HES7: variants seen among roughly 807,000 people sequenced by gnomAD.
HES7 encodes the protein hes family bHLH transcription factor 7.
Under a neutral mutation model 18.0 loss-of-function variants are expected in HES7, and 8 were observed. That is an observed-to-expected ratio of 0.45 (90% CI 0.26 to 0.80). The LOEUF (loss-of-function observed/expected upper bound fraction) is 0.80, where lower values mean the gene tolerates loss of function less well. HES7 is among the 30% of genes least tolerant of loss of function. The pLI is 0.18. For missense variants in HES7, 356 were observed against 340.9 expected (o/e 1.04, Z -0.35); for synonymous variants, 170 against 158.6 (o/e 1.07, Z -0.54).
upstream of HES7, among the ~76,000 whole-genome samples, chr17:8,124,666 C>A (rs1483229678): frequency 6.6e-6 from 1 of 152,166 alleles, no homozygotes; most frequent in African/African-American, 2.4e-5. Flanking sequence ...GCCCACTCTG[C>A]GGACAGGGCA....
At chr17:8,126,022 C>G (rs534953936), upstream of HES7, among the ~76,000 whole-genome samples, 4 of 152,056 alleles carry the variant, frequency 2.6e-5, no homozygotes, top group South Asian at 6.2e-4. Flanking sequence ...CTCCACACCC[C>G]CCTCCCTCCG....
chr17:8,122,313 T>G lies in HES7; in HGVS notation c.226+30A>C. 51 of 735,084 alleles carry G rather than the reference T, an allele frequency of 6.9e-5. No individual in the cohort carries two copies. Among genetic ancestry groups the G allele is most frequent in the Non-Finnish European group, 1.1e-4 (48 of 449,118 alleles). 45.5% of individuals were successfully genotyped at this position (735,084 alleles called of 1,614,324 possible). A position where few individuals can be genotyped will look rare whatever the true frequency, so the allele number is the denominator to read the frequency against. ...GGAGCCTCCTGGCGTCCCCCCTCCC[T>G]CCCTCCGCTGCCCCACCCCCGCGCT... On this transcript the variant is annotated intron_variant, in intron 3 of 3. Coordinates refer to ENST00000541682, the MANE Select transcript of HES7 (RefSeq NM_001165967.2). This position sits in a 1 kb window ranked among gnomAD's most constrained non-coding sequence, Gnocchi z 6.9.
At position 8,122,739 on chromosome 17, in the gene HES7, C is replaced by T. The variant is rs1448005997; in HGVS notation, c.138+292G>A. Among the ~76,000 whole-genome samples, 1 of 152,150 alleles carries T rather than the reference C, an allele frequency of 6.6e-6. No individual in the cohort carries two copies. The highest frequency in any genetic ancestry group is 2.4e-5 in the African/African-American group (1 of 41,432). Reference sequence around the variant, plus strand: ...ATAACAGAGGCTGGCTCATCAGAGGCTGGCTGTGGGGGAGGGGGAACCGGA... The same window carrying T: ...ATAACAGAGGCTGGCTCATCAGAGGTTGGCTGTGGGGGAGGGGGAACCGGA... On this transcript the variant is annotated intron_variant, in intron 2 of 3. Transcript: ENST00000541682. This position sits in a 1 kb window ranked among gnomAD's most constrained non-coding sequence, Gnocchi z 6.9.
In HES7 at chr17:8,123,963, T is replaced by A; in HGVS notation, c.42+80A>T. 1.3e-6 allele frequency: 2 copies of A among 1,516,874 alleles called. No individual in the cohort carries two copies. Among genetic ancestry groups the A allele is most frequent in the South Asian group, 2.3e-5 (2 of 88,308 alleles). 94.0% of individuals were successfully genotyped at this position (1,516,874 alleles called of 1,614,324 possible). A position where few individuals can be genotyped will look rare whatever the true frequency, so the allele number is the denominator to read the frequency against. ...CCCTTCCACCCCTGCGTCCCCAGCC[T>A]CTCTCCAGACCGACGGCGTCAGGGG... is the stretch of plus-strand genomic sequence containing the variant. On this transcript the variant is annotated intron_variant, in intron 1 of 3. Transcript: ENST00000541682. The surrounding 1 kb of genome is among the most constrained non-coding windows in gnomAD (Gnocchi z 5.9).
chr17:8,123,538 C>T lies in HES7; in HGVS notation c.43-412G>A, dbSNP rs867999684. Reference sequence around the variant, plus strand: ...TAGAAAGGGAGATACCTAGCGCGACCGCGCCGCCTCTTTTCCCTCAAAACC... The same window carrying T: ...TAGAAAGGGAGATACCTAGCGCGACTGCGCCGCCTCTTTTCCCTCAAAACC... On this transcript the variant is annotated intron_variant, in intron 1 of 3. Transcript: ENST00000541682. This position sits in a 1 kb window ranked among gnomAD's most constrained non-coding sequence, Gnocchi z 5.9. 2 of 308,556 alleles carry T rather than the reference C, an allele frequency of 6.5e-6. No individual in the cohort carries two copies. Among genetic ancestry groups the T allele is most frequent in the South Asian group, 3.9e-5 (1 of 25,694 alleles). The allele number at this position is 308,556 out of a possible 1,614,324, so 19.1% of individuals were successfully genotyped here.
At position 8,124,090 on chromosome 17, in the gene HES7, C is replaced by G. The variant is rs373443343; in HGVS notation, c.-6G>C. ...GCTCGATCCCGGGTGACCATTGCTC[C>G]TCCGGACCCTGTGTGGACCGGTTCC... On this transcript the variant is annotated 5_prime_UTR_variant, in exon 1 of 4. Transcript: ENST00000541682. 6.2e-7 allele frequency: 1 copy of G among 1,614,102 alleles called. No individual in the cohort carries two copies. The highest frequency in any genetic ancestry group is 1.1e-5 in the South Asian group (1 of 91,088).
At position 8,122,386 on chromosome 17, in the gene HES7, G is replaced by T; in HGVS notation, c.183C>A (p.Phe61Leu). 6.3e-7 allele frequency: 1 copy of T among 1,599,050 alleles called. No individual in the cohort carries two copies. The highest frequency in any genetic ancestry group is 1.1e-5 in the South Asian group (1 of 88,320). ...PKLEKAEILEFAVGYLRERSR... is the reference protein window; with the variant it reads ...PKLEKAEILELAVGYLRERSR... ...TTCGCTCCCTCAAGTAGCCCACGGC[G>T]AACTCCAATATCTCCGCTTTCTCCA... The change falls in exon 3 of 4, where the codon TTC becomes TTA. Residue 61 changes from phenylalanine to leucine, a missense_variant. Phe to Leu is a conservative substitution (Grantham distance 22). Coordinates refer to ENST00000541682, the MANE Select transcript of HES7 (RefSeq NM_001165967.2). The surrounding 1 kb of genome is among the most constrained non-coding windows in gnomAD (Gnocchi z 6.9).
At position 8,123,597 on chromosome 17, in the gene HES7, A is replaced by G; in HGVS notation, c.42+446T>C. On this transcript the variant is annotated intron_variant, in intron 1 of 3. Coordinates refer to ENST00000541682, the MANE Select transcript of HES7 (RefSeq NM_001165967.2). This position sits in a 1 kb window ranked among gnomAD's most constrained non-coding sequence, Gnocchi z 5.9. ...CTTCACCTTCTCCACGGTTCTCCTA[A>G]AATCTTCCACCAGTCTGGGGCCTCT... 3.2e-6 allele frequency: 1 copy of G among 308,122 alleles called. No individual in the cohort carries two copies. Among genetic ancestry groups the G allele is most frequent in the South Asian group, 3.9e-5 (1 of 25,342 alleles). The allele number at this position is 308,122 out of a possible 1,614,324, so 19.1% of individuals were successfully genotyped here.
Position 8,123,971 on chromosome 17 carries a change from G to C in HES7, c.42+72C>G, listed in dbSNP as rs1231634295. On this transcript the variant is annotated intron_variant, in intron 1 of 3. Coordinates refer to ENST00000541682, the MANE Select transcript of HES7 (RefSeq NM_001165967.2). This position sits in a 1 kb window ranked among gnomAD's most constrained non-coding sequence, Gnocchi z 5.9. ...CCCCTGCGTCCCCAGCCTCTCTCCA[G>C]ACCGACGGCGTCAGGGGCCCAGTCC... 2.6e-6 allele frequency: 4 copies of C among 1,556,328 alleles called. No individual in the cohort carries two copies. In the East Asian group the frequency reaches 9.0e-5, roughly 35 times the overall value.
In HES7 at chr17:8,123,902, C is replaced by T; in HGVS notation, c.42+141G>A. ...TTCTTCATATTTTGCAGCTTCCTCT[C>T]CAGCTTCTGGCTCCTGGAGTTCTGG... On this transcript the variant is annotated intron_variant, in intron 1 of 3. Coordinates refer to ENST00000541682, the MANE Select transcript of HES7 (RefSeq NM_001165967.2). The surrounding 1 kb of genome is among the most constrained non-coding windows in gnomAD (Gnocchi z 5.9). 2.1e-6 allele frequency: 2 copies of T among 941,916 alleles called. No homozygotes were observed. Among genetic ancestry groups the T allele is most frequent in the Non-Finnish European group, 1.6e-6 (1 of 608,806 alleles). 58.3% of individuals were successfully genotyped at this position (941,916 alleles called of 1,614,324 possible).
At position 8,122,710 on chromosome 17, in the gene HES7, C is replaced by G. The variant is rs1171982692; in HGVS notation, c.139-280G>C. 1.3e-5 allele frequency among the ~76,000 whole-genome samples: 2 copies of G among 152,122 alleles called. No individual in the cohort carries two copies. Among genetic ancestry groups the G allele is most frequent in the East Asian group, 3.8e-4 (2 of 5,198 alleles). ...AACCCAGGGAATGAAATTAACCACCCGACATAACAGAGGCTGGCTCATCAG... is the reference window on the plus strand; with the variant it reads ...AACCCAGGGAATGAAATTAACCACCGGACATAACAGAGGCTGGCTCATCAG... On this transcript the variant is annotated intron_variant, in intron 2 of 3. Transcript: ENST00000541682. The surrounding 1 kb of genome is among the most constrained non-coding windows in gnomAD (Gnocchi z 6.9).
At chr17:8,125,101 C>T (rs1981544514), upstream of HES7, among the ~76,000 whole-genome samples, 1 of 152,160 alleles carries the variant, frequency 6.6e-6, no homozygotes, top group Admixed American at 6.5e-5. Context: ...AAACCAAGAG[C>T]ATGACCCTCC....
rs1981340055 is a variant in HES7, at chr17:8,121,743, G to GGGTGGCCCT, written c.512_520dup (p.Gln171_His173dup). ...TGGGGACCATGCGCAGCGCGGGCTAGGGTGGCCCTGGTGCACTGGGGGGCG... is the reference window on the plus strand; with the variant it reads ...TGGGGACCATGCGCAGCGCGGGCTAGGGTGGCCCTGGTGGCCCTGGTGCACTGGGGGGCG... On this transcript the variant is annotated inframe_insertion, in exon 4 of 4. Transcript: ENST00000541682. The GGGTGGCCCT allele has an allele frequency of 6.8e-7, 1 of 1,463,700 alleles. No homozygotes were observed. 90.7% of individuals were successfully genotyped at this position (1,463,700 alleles called of 1,614,324 possible).
At chr17:8,125,830 C>A (rs1292178898), upstream of HES7, among the ~76,000 whole-genome samples, 3 of 152,230 alleles carry the variant, frequency 2.0e-5, no homozygotes, top group East Asian at 3.8e-4. Flanking sequence ...GTACAGTTTT[C>A]TTTTCTCCCC....
In HES7 at chr17:8,122,494, G is replaced by A; in HGVS notation, c.139-64C>T. ...TGGGGAGAAAGGGGGAAAGTGGCAG[G>A]GGGAAGAAGGGAGGGACGGATGCGG... On this transcript the variant is annotated intron_variant, in intron 2 of 3. Transcript: ENST00000541682. This position sits in a 1 kb window ranked among gnomAD's most constrained non-coding sequence, Gnocchi z 6.9. The A allele has an allele frequency of 4.4e-6, 5 of 1,141,566 alleles. No homozygotes were observed. Among genetic ancestry groups the A allele is most frequent in the Non-Finnish European group, 6.4e-6 (5 of 776,024 alleles). 70.7% of individuals were successfully genotyped at this position (1,141,566 alleles called of 1,614,324 possible).
chr17:8,121,276 C>A lies in HES7; in HGVS notation c.*295G>T, dbSNP rs1422267423. 9.9e-6 allele frequency: 3 copies of A among 303,398 alleles called. No homozygotes were observed. Among genetic ancestry groups the A allele is most frequent in the Non-Finnish European group, 1.8e-5 (3 of 166,346 alleles). The allele number at this position is 303,398 out of a possible 1,614,324, so 18.8% of individuals were successfully genotyped here. A position where few individuals can be genotyped will look rare whatever the true frequency, so the allele number is the denominator to read the frequency against. ...TCGGGGACACACGGGGATTTAATAA[C>A]CACTTTATTCCATGCACTAGGGACT... On this transcript the variant is annotated 3_prime_UTR_variant, in exon 4 of 4. Coordinates refer to ENST00000541682, the MANE Select transcript of HES7 (RefSeq NM_001165967.2).
At position 8,122,398 on chromosome 17, in the gene HES7, C is replaced by T; in HGVS notation, c.171G>A (p.Glu57=). The change falls in exon 3 of 4, where the codon GAG becomes GAA. Residue 57 remains glutamate (E), a synonymous_variant. Transcript: ENST00000541682. The surrounding 1 kb of genome is among the most constrained non-coding windows in gnomAD (Gnocchi z 6.9). ...NLRNPKLEKA[E]ILEFAVGYLR... ...AGTAGCCCACGGCGAACTCCAATAT[C>T]TCCGCTTTCTCCAGCTTCGGGTTCC... 6.3e-7 allele frequency: 1 copy of T among 1,593,390 alleles called. No homozygotes were observed. Among genetic ancestry groups the T allele is most frequent in the Non-Finnish European group, 8.5e-7 (1 of 1,170,296 alleles).
rs1342199971 is a variant in HES7 at position 8,123,131 on chromosome 17, G to A, written c.43-5C>T. On this transcript the variant is annotated splice_polypyrimidine_tract_variant and splice_region_variant and intron_variant, in intron 1 of 3. Coordinates refer to ENST00000541682, the MANE Select transcript of HES7 (RefSeq NM_001165967.2). This position sits in a 1 kb window ranked among gnomAD's most constrained non-coding sequence, Gnocchi z 5.9. ...CTCCACAAGCGGCTTGAGCATCTGC[G>A]ACCAGCGAGAAAAGGAGAGCGGGCC... is the stretch of plus-strand genomic sequence containing the variant. The A allele has an allele frequency of 6.2e-7, 1 of 1,601,844 alleles. No homozygotes were observed. The highest frequency in any genetic ancestry group is 1.7e-4 in the Middle Eastern group (1 of 6,038).
In HES7 at chr17:8,121,974, T is replaced by G. The variant is rs1377041644; in HGVS notation, c.290A>C (p.Tyr97Ser). 6.5e-7 allele frequency: 1 copy of G among 1,545,168 alleles called. No homozygotes were observed. The highest frequency in any genetic ancestry group is 1.4e-5 in the African/African-American group (1 of 71,000). ...CAGGCACTCGCGGAAACCGGACAAGTAGCAGCTGGCGAGCGCCTCGGCGTC... is the reference window on the plus strand; with the variant it reads ...CAGGCACTCGCGGAAACCGGACAAGGAGCAGCTGGCGAGCGCCTCGGCGTC... ...VQDAEALASC[Y>S]LSGFRECLLR... The change falls in exon 4 of 4, where the codon TAC becomes TCC. Residue 97 changes from tyrosine to serine, a missense_variant. Physicochemically the swap from Tyr to Ser is moderately radical, Grantham distance 144 (BLOSUM62 -2). Transcript: ENST00000541682.
Sources: allele counts gnomAD v4.1 joint callset (sites outside exome capture counted in the v4.1 genomes callset), GRCh38; gene constraint gnomAD v4.1.1; non-coding constraint Gnocchi (gnomAD v3.1); transcripts MANE v1.5; gene names NCBI Gene and HGNC (gene_info 2026-07-23, HGNC 2026-07-21).